The following DNER variants were observed in gnomAD, a reference collection of about 807,000 sequenced individuals.
DNER encodes delta/notch like EGF repeat containing.
DNER carries 33 observed loss-of-function variants against 78.2 expected under a neutral mutation model. The observed-to-expected ratio is 0.42, with a 90% CI of 0.32 to 0.56. DNER has a LOEUF of 0.56. Among genes scored for constraint, DNER ranks in the 20% least tolerant of loss-of-function variants. The pLI is 0.11. For missense variants in DNER, 918 were observed against 975.3 expected, an observed-to-expected ratio of 0.94 and a Z score of 0.78; for synonymous variants, 417 against 384.8, an observed-to-expected ratio of 1.08 and a Z score of -0.98.
chr2:229,375,489 GAGA>G (rs1400293490), intron 11 of DNER, among the ~76,000 whole-genome samples: 1 of 152,144 alleles, frequency 6.6e-6, no homozygotes, highest in Non-Finnish European at 1.5e-5. Flanking sequence ...ATCCCTCCCT[GAGA>G]AGGAGAGGAT....
At chr2:229,512,066 T>C (rs1009884507) in intron 6 of DNER, among the ~76,000 whole-genome samples, 3 of 152,148 alleles carry the variant, frequency 2.0e-5, no homozygotes, top group Non-Finnish European at 4.4e-5. Flanking sequence ...ATATATACGA[T>C]GGAATACTAC....
At chr2:229,413,431 T>C (rs1376024403) in intron 9 of DNER, among the ~76,000 whole-genome samples, 1 of 147,134 alleles carries the variant, frequency 6.8e-6, no homozygotes, top group Non-Finnish European at 1.5e-5. Context: ...CAAGTGATTC[T>C]CCTGCCTCAG....
intron 1 of DNER, among the ~76,000 whole-genome samples, chr2:229,698,675 C>T (rs1356493440): frequency 6.6e-6 from 1 of 152,118 alleles, no homozygotes; most frequent in African/African-American, 2.4e-5. Flanking sequence ...AGTCAGTGTG[C>T]AGCTCCAAAA....
At chr2:229,657,954 C>T (rs767425904) in intron 1 of DNER, among the ~76,000 whole-genome samples, 1 of 152,096 alleles carries the variant, frequency 6.6e-6, no homozygotes, top group African/African-American at 2.4e-5. Context: ...TCCTTATAGG[C>T]CTTAAAAACA....
intron 4 of DNER, among the ~76,000 whole-genome samples, chr2:229,558,631 C>G (rs573426629): frequency 1.3e-5 from 2 of 152,280 alleles, no homozygotes; most frequent in East Asian, 3.9e-4. Flanking sequence ...AGCACCCTAA[C>G]TGAACAGATC....
rs964602246 is a variant in DNER, at chr2:229,514,055, A to C, written c.994-1119T>G. On this transcript the variant is annotated intron_variant, in intron 5 of 12. Coordinates refer to ENST00000341772, the MANE Select transcript of DNER (RefSeq NM_139072.4). ...AGGGTTATCCATTCTTCTCTTTAGT[A>C]CATTTTTGTCTCTCAATCAAGTTTC... 2.6e-5 allele frequency among the ~76,000 whole-genome samples: 4 copies of C among 152,228 alleles called. 1 individual carries two copies. Among genetic ancestry groups the C allele is most frequent in the Admixed American group, 6.5e-5 (1 of 15,288 alleles).
At chr2:229,673,389 A>G (rs1699244409) in intron 1 of DNER, among the ~76,000 whole-genome samples, 1 of 152,164 alleles carries the variant, frequency 6.6e-6, no homozygotes, top group Non-Finnish European at 1.5e-5. Flanking sequence ...TGTGAAACCA[A>G]CGTGGCCCCT....
At chr2:229,377,027 T>G (rs1279912754) in intron 11 of DNER, among the ~76,000 whole-genome samples, 1 of 152,190 alleles carries the variant, frequency 6.6e-6, no homozygotes, top group African/African-American at 2.4e-5. Context: ...GATGAGTTAC[T>G]TTCCCTTTCC....
At chr2:229,661,195 AT>A (rs1229147835) in intron 1 of DNER, among the ~76,000 whole-genome samples, 1 of 152,180 alleles carries the variant, frequency 6.6e-6, no homozygotes, top group Non-Finnish European at 1.5e-5. Flanking sequence ...CAAAGACATC[AT>A]GGTGATTATG....
intron 5 of DNER, among the ~76,000 whole-genome samples, chr2:229,514,911 G>GT (rs1400368357): frequency 6.6e-6 from 1 of 152,128 alleles, no homozygotes; most frequent in Non-Finnish European, 1.5e-5. Context: ...ACAGAATACG[G>GT]TTTTTTGCTA....
chr2:229,631,912 C>T (rs558709460), intron 1 of DNER, among the ~76,000 whole-genome samples: 2 of 152,302 alleles, frequency 1.3e-5, no homozygotes, highest in South Asian at 2.1e-4. Flanking sequence ...AACTGGCACA[C>T]GGAGCTCAAA....
intron 4 of DNER, among the ~76,000 whole-genome samples, chr2:229,580,660 C>T (rs978503652): frequency 3.3e-5 from 5 of 152,110 alleles, no homozygotes; most frequent in African/African-American, 1.2e-4. Context: ...GATAAAATTT[C>T]AGATGGAGGT....
intron 10 of DNER, among the ~76,000 whole-genome samples, chr2:229,395,114 C>A (rs1031051318): frequency 6.6e-6 from 1 of 152,164 alleles, no homozygotes. Context: ...TTTTGTGTTG[C>A]GTTACCTGAT....
intron 8 of DNER, among the ~76,000 whole-genome samples, chr2:229,434,915 T>C (rs1039122193): frequency 5.2e-5 from 3 of 57,230 alleles, no homozygotes; most frequent in African/African-American, 1.3e-4. Flanking sequence ...AATTTATATA[T>C]ATATATATAT....
chr2:229,610,656 G>A (rs1273229426), intron 1 of DNER, among the ~76,000 whole-genome samples: 1 of 151,948 alleles, frequency 6.6e-6, no homozygotes, highest in African/African-American at 2.4e-5. Context: ...GCTTCATTTG[G>A]CAATGCTCAG....
At chr2:229,622,696 G>T (rs1698270445) in intron 1 of DNER, among the ~76,000 whole-genome samples, 1 of 152,062 alleles carries the variant, frequency 6.6e-6, no homozygotes, top group Admixed American at 6.5e-5. Context: ...AATTAGTGTG[G>T]GTCATGGATG....
intron 7 of DNER, among the ~76,000 whole-genome samples, chr2:229,466,180 G>C (rs184698545): frequency 6.6e-6 from 1 of 152,016 alleles, no homozygotes; most frequent in East Asian, 1.9e-4. Flanking sequence ...CACACTCTTG[G>C]GCCATGTGCA....
chr2:229,578,639 C>T (rs1697343268), intron 4 of DNER, among the ~76,000 whole-genome samples: 1 of 152,158 alleles, frequency 6.6e-6, no homozygotes, highest in South Asian at 2.1e-4. Flanking sequence ...GCCCTCACCC[C>T]AGCTAATACA....
At chr2:229,545,076 G>C (rs182580464) in intron 5 of DNER, among the ~76,000 whole-genome samples, 2 of 152,170 alleles carry the variant, frequency 1.3e-5, no homozygotes, top group Non-Finnish European at 2.9e-5. Flanking sequence ...TTTGGGGTTT[G>C]GGAATCCACT....
Sources: allele counts gnomAD v4.1 joint callset (sites outside exome capture counted in the v4.1 genomes callset), GRCh38; gene constraint gnomAD v4.1.1; transcripts MANE v1.5; gene names NCBI Gene and HGNC (gene_info 2026-07-23, HGNC 2026-07-21).